PALLD: variants seen among roughly 807,000 people sequenced by gnomAD.
The protein encoded by PALLD is palladin.
A neutral mutation model predicts 123.5 loss-of-function variants in PALLD; 61 were observed. That is an observed-to-expected ratio of 0.49 (90% confidence interval 0.40 to 0.61). The LOEUF (loss-of-function observed/expected upper bound fraction) is 0.61. Ranked by LOEUF, PALLD falls within the 20% of genes least tolerant of loss-of-function variation. The probability of loss-of-function intolerance (pLI) is 0.00; values close to 1 mark genes in which losing one functional copy is unlikely to be tolerated. For missense variants in PALLD, 1,273 were observed against 1,377.0 expected (o/e 0.92, Z 1.20); for synonymous variants, 465 against 496.4 (o/e 0.94, Z 0.84).
Position 168,921,685 on chromosome 4 carries a change from G to C in PALLD, c.3002G>C (p.Cys1001Ser). The C allele has an allele frequency of 6.2e-7, 1 of 1,611,614 alleles. No individual in the cohort carries two copies. The highest frequency in any genetic ancestry group is 8.5e-7 in the Non-Finnish European group (1 of 1,179,828). Residue 1001 changes from cysteine to serine, a missense_variant, in exon 18 of 22, where the codon TGT (cysteine) becomes TCT (serine). Transcript: ENST00000505667. ...VTSRDAGIYT[C>S]IATNRAGQNS... ...TCACGTGATGCCGGCATCTACACAT[G>C]TATAGCTACCAACCGAGCAGGACAG...
chr4:168,745,943 T>C (rs895244492), intron 10 of PALLD, among the ~76,000 whole-genome samples: 18 of 152,184 alleles, frequency 1.2e-4, no homozygotes, highest in Non-Finnish European at 5.9e-5. Flanking sequence ...ATCTGCTACA[T>C]GTACTCAAGA....
chr4:168,706,093 G>A (rs1247760000), intron 8 of PALLD, among the ~76,000 whole-genome samples: 2 of 152,032 alleles, frequency 1.3e-5, no homozygotes, highest in Admixed American at 6.5e-5. Context: ...TTAATGTTGT[G>A]CAGCAGATGT....
rs201518746 is a variant in PALLD at position 168,786,336 on chromosome 4, AAAG to A, written c.1964+74417_1964+74419del. Among the ~76,000 whole-genome samples, 786 of 152,216 alleles carry A rather than the reference AAAG, an allele frequency of 5.2e-3. 56 individuals carry two copies. The East Asian group carries it at 0.12, about 24-fold the overall frequency. ...AGTGAGACTCCGTCTCAAAGAAAAA[AAAG>A]AAGTATACTATTTTCATAGAAGTAT... On this transcript the variant is annotated intron_variant, in intron 10 of 21. Coordinates refer to ENST00000505667, the MANE Select transcript of PALLD (RefSeq NM_001166108.2).
intron 10 of PALLD, among the ~76,000 whole-genome samples, chr4:168,737,024 G>C (rs759444262): frequency 6.6e-6 from 1 of 152,152 alleles, no homozygotes; most frequent in Non-Finnish European, 1.5e-5. Flanking sequence ...GGCAGATTTA[G>C]GTACCTTTTG....
At chr4:168,888,055 A>G (rs562126160) in intron 10 of PALLD, among the ~76,000 whole-genome samples, 1 of 152,312 alleles carries the variant, frequency 6.6e-6, no homozygotes, top group South Asian at 2.1e-4. Context: ...AAGACTGATG[A>G]TAACAACCCC....
chr4:168,753,968 T>G (rs1731418078), intron 10 of PALLD, among the ~76,000 whole-genome samples: 1 of 152,202 alleles, frequency 6.6e-6, no homozygotes, highest in Non-Finnish European at 1.5e-5. Context: ...TAATAGGTTA[T>G]GCAACAAGTA....
At chr4:168,751,949 G>C (rs939078437) in intron 10 of PALLD, among the ~76,000 whole-genome samples, 1 of 152,186 alleles carries the variant, frequency 6.6e-6, no homozygotes, top group African/African-American at 2.4e-5. Context: ...ACACTGTTCT[G>C]AGAATTACAC....
intron 10 of PALLD, among the ~76,000 whole-genome samples, chr4:168,889,164 GTGGT>G (rs1560861793): frequency 0.011 from 1,544 of 145,620 alleles, 37 homozygotes; most frequent in African/African-American, 0.037. Flanking sequence ...GTGTGTGTGT[GTGGT>G]TTTTTTTTTT....
chr4:168,574,110 A>G (rs1378149975), intron 2 of PALLD, among the ~76,000 whole-genome samples: 10 of 152,088 alleles, frequency 6.6e-5, no homozygotes. Flanking sequence ...TAAAAAGGGC[A>G]TGTTGAGAAG....
At chr4:168,855,163 T>C (rs1297818468) in intron 10 of PALLD, among the ~76,000 whole-genome samples, 1 of 147,300 alleles carries the variant, frequency 6.8e-6, no homozygotes, top group Non-Finnish European at 1.5e-5. Flanking sequence ...CGATCTTGGC[T>C]CACTGCAAGC....
At chr4:168,755,207 T>A (rs1486688712) in intron 10 of PALLD, among the ~76,000 whole-genome samples, 1 of 130,810 alleles carries the variant, frequency 7.6e-6, no homozygotes, top group East Asian at 2.3e-4. Flanking sequence ...CACTCCAGCC[T>A]GGGCGAGAGA....
intron 10 of PALLD, among the ~76,000 whole-genome samples, chr4:168,830,290 C>T (rs903409295): frequency 1.2e-4 from 18 of 150,064 alleles, no homozygotes; most frequent in South Asian, 8.5e-4. Context: ...CCTGGGAGGC[C>T]GAGGTGGGAG....
At chr4:168,760,349 C>A (rs1053380207) in intron 10 of PALLD, among the ~76,000 whole-genome samples, 3 of 152,094 alleles carry the variant, frequency 2.0e-5, no homozygotes, top group Non-Finnish European at 4.4e-5. Flanking sequence ...CACAGCCAGC[C>A]CCTTGGTTAC....
chr4:168,537,165 C>A (rs13101702), intron 2 of PALLD, among the ~76,000 whole-genome samples: 45,626 of 152,092 alleles, frequency 0.3, 7,937 homozygotes, highest in East Asian at 0.57. Flanking sequence ...ATTATCTTTA[C>A]TACAGATACA....
chr4:168,685,437 G>T, intron 5 of PALLD, 48 bp from the exon 6 acceptor site: 1 of 1,224,940 alleles, frequency 8.2e-7, no homozygotes, highest in South Asian at 1.2e-5. Context: ...CCATCTTTTA[G>T]GCAATTTATA....
intron 2 of PALLD, among the ~76,000 whole-genome samples, chr4:168,513,349 T>TA (rs975503516): frequency 2.6e-5 from 4 of 152,180 alleles, no homozygotes; most frequent in African/African-American, 9.7e-5. Context: ...AGTATGCACT[T>TA]AGAGTTAATA....
intron 10 of PALLD, among the ~76,000 whole-genome samples, chr4:168,865,258 G>A (rs956988888): frequency 2.0e-5 from 3 of 152,194 alleles, no homozygotes; most frequent in African/African-American, 7.2e-5. Flanking sequence ...TCTTTTCCAC[G>A]GTCACAAGTC....
At chr4:168,866,098 TAA>T (rs11398682) in intron 10 of PALLD, among the ~76,000 whole-genome samples, 4 of 138,722 alleles carry the variant, frequency 2.9e-5, no homozygotes, top group Non-Finnish European at 4.8e-5. Flanking sequence ...CTGTCTCTAC[TAA>T]AAAAAAAAAA....
chr4:168,908,480 T>G (rs1758264709), intron 15 of PALLD, among the ~76,000 whole-genome samples: 1 of 152,128 alleles, frequency 6.6e-6, no homozygotes, highest in African/African-American at 2.4e-5. Flanking sequence ...TAAATAGTCA[T>G]GTCATAAAAG....
Sources: allele counts gnomAD v4.1 joint callset (sites outside exome capture counted in the v4.1 genomes callset), GRCh38; gene constraint gnomAD v4.1.1; transcripts MANE v1.5; gene names NCBI Gene and HGNC (gene_info 2026-07-23, HGNC 2026-07-21).